Variants in CMTM6 observed in about 807,000 individuals in gnomAD.
The protein encoded by CMTM6 is CKLF like MARVEL transmembrane domain containing 6.
In CMTM6, 5 loss-of-function variants were observed where a neutral mutation model predicts 13.6. The observed-to-expected ratio is 0.37, with a 90% CI of 0.19 to 0.77. CMTM6 has a LOEUF of 0.77. Ranked by LOEUF, CMTM6 falls within the 30% of genes least tolerant of loss-of-function variation. The pLI, the probability that CMTM6 is intolerant of heterozygous loss-of-function variation, is 0.50. For synonymous variants in CMTM6, 99 were observed against 84.5 expected (o/e 1.17, Z -0.94); for missense variants, 196 against 218.6 (o/e 0.90, Z 0.65).
At chr3:32,489,212 G>C (rs111893960) in intron 2 of CMTM6, among the ~76,000 whole-genome samples, 37 of 146,408 alleles carry the variant, frequency 2.5e-4, no homozygotes, top group African/African-American at 9.2e-4. Flanking sequence ...AGAGGTTGCA[G>C]TGAGCCAAGG....
At chr3:32,491,462 A>G (rs1697249075) in intron 2 of CMTM6, among the ~76,000 whole-genome samples, 1 of 152,174 alleles carries the variant, frequency 6.6e-6, no homozygotes, top group African/African-American at 2.4e-5. Flanking sequence ...GTCTAATGTG[A>G]ATTACATTAA....
In CMTM6 at chr3:32,502,763, C is replaced by A; in HGVS notation, c.-18G>T. The A allele has an allele frequency of 7.1e-7, 1 of 1,409,786 alleles. No homozygotes were observed. Among genetic ancestry groups the A allele is most frequent in the Non-Finnish European group, 9.2e-7 (1 of 1,081,620 alleles). 87.3% of individuals were successfully genotyped at this position (1,409,786 alleles called of 1,614,324 possible). On this transcript the variant is annotated 5_prime_UTR_variant, in exon 1 of 4. Transcript: ENST00000205636. ...TTCTCCATCGCCTCGGGCCGGGGAG[C>A]GCGGCGGCCGCAGCAACCGCGCCGT...
At chr3:32,497,105 C>T (rs1300192261) in intron 1 of CMTM6, among the ~76,000 whole-genome samples, 7 of 152,238 alleles carry the variant, frequency 4.6e-5, no homozygotes, top group African/African-American at 1.7e-4. Context: ...ACTCCTACAC[C>T]GGGCGCGGTG....
chr3:32,485,771 AATAG>A (rs750075738), intron 3 of CMTM6, among the ~76,000 whole-genome samples: 3 of 152,248 alleles, frequency 2.0e-5, no homozygotes, highest in African/African-American at 7.2e-5. Context: ...TTGTCATATG[AATAG>A]ATAAATATAG....
rs530565819 is a variant in CMTM6, at chr3:32,493,651, A to C, written c.139-1765T>G. Among the ~76,000 whole-genome samples the C allele has an allele frequency of 9.2e-5, 14 of 152,314 alleles. No homozygotes were observed. In the South Asian group the frequency reaches 2.9e-3, roughly 32 times the overall value. On this transcript the variant is annotated intron_variant, in intron 1 of 3. Coordinates refer to ENST00000205636, the MANE Select transcript of CMTM6 (RefSeq NM_017801.3). Reference sequence around the variant, plus strand: ...ATAGCCTTATGTGGAAATCTGAGGAATCTGAAGATTTACGGGATATGCAGA... The same window carrying C: ...ATAGCCTTATGTGGAAATCTGAGGACTCTGAAGATTTACGGGATATGCAGA...
At chr3:32,489,134 G>C (rs1000800088) in intron 2 of CMTM6, among the ~76,000 whole-genome samples, 1 of 151,798 alleles carries the variant, frequency 6.6e-6, no homozygotes, top group Non-Finnish European at 1.5e-5. Context: ...GCTGGGCGTG[G>C]TGGTGGGTGC....
chr3:32,502,567 G>T (rs1471364483), intron 1 of CMTM6, 41 bp downstream of exon 1: 1 of 1,563,774 alleles, frequency 6.4e-7, no homozygotes, highest in Non-Finnish European at 8.6e-7. Flanking sequence ...GCCAGACCCC[G>T]CTCCCCAGCC....
intron 1 of CMTM6, among the ~76,000 whole-genome samples, chr3:32,496,705 C>T (rs2125658973): frequency 6.6e-6 from 1 of 152,198 alleles, no homozygotes; most frequent in South Asian, 2.1e-4. Context: ...AGTGGAAAAG[C>T]AGGACTCAAA....
chr3:32,498,035 TA>T (rs1383549736), intron 1 of CMTM6, among the ~76,000 whole-genome samples: 2 of 152,094 alleles, frequency 1.3e-5, no homozygotes, highest in Non-Finnish European at 2.9e-5. Context: ...TATTTTTTGG[TA>T]AACAGTTTTG....
At chr3:32,493,149 A>G (rs1229455265) in intron 1 of CMTM6, among the ~76,000 whole-genome samples, 1 of 152,244 alleles carries the variant, frequency 6.6e-6, no homozygotes, top group African/African-American at 2.4e-5. Flanking sequence ...GTATGGCCAT[A>G]AAAGTATAGT....
chr3:32,500,747 A>T (rs1385265962), intron 1 of CMTM6, among the ~76,000 whole-genome samples: 1 of 152,244 alleles, frequency 6.6e-6, no homozygotes, highest in Non-Finnish European at 1.5e-5. Context: ...TTCCAAAGAT[A>T]CGAAACTACA....
At position 32,487,979 on chromosome 3, in the gene CMTM6, C is replaced by A. The variant is rs1337910471; in HGVS notation, c.373G>T (p.Val125Phe). The A allele has an allele frequency of 3.1e-6, 5 of 1,613,700 alleles. No homozygotes were observed. Among genetic ancestry groups the A allele is most frequent in the Non-Finnish European group, 4.2e-6 (5 of 1,179,862 alleles). The change falls in exon 3 of 4, where the codon GTT (valine) becomes TTT (phenylalanine). Residue 125 changes from valine (V) to phenylalanine (F), a missense_variant. Physicochemically the swap from Val to Phe is conservative, Grantham distance 50. Coordinates refer to ENST00000205636, the MANE Select transcript of CMTM6 (RefSeq NM_017801.3). ...CVFLLASIIFVSTHDRTSAEI... is the reference protein window; with the variant it reads ...CVFLLASIIFFSTHDRTSAEI... ...GCTGAAGTCCTGTCATGTGTGGAAACAAAAATGATGGATGCCAACAAAAAC... is the reference window on the plus strand; with the variant it reads ...GCTGAAGTCCTGTCATGTGTGGAAAAAAAAATGATGGATGCCAACAAAAAC...
Position 32,487,918 on chromosome 3 carries a change from T to TA in CMTM6, c.414+19dup, listed in dbSNP as rs1559423959. The TA allele has an allele frequency of 6.4e-7, 1 of 1,564,266 alleles. No homozygotes were observed. Among genetic ancestry groups the TA allele is most frequent in the South Asian group, 1.1e-5 (1 of 89,144 alleles). On this transcript the variant is annotated intron_variant, in intron 3 of 3. Coordinates refer to ENST00000205636, the MANE Select transcript of CMTM6 (RefSeq NM_017801.3). The stretch of plus-strand genomic sequence containing the variant: ...CTAAGGAAACAAAAATAAGCAATGT[T>TA]AAAAATACAAGGTACTTACAATTGC...
In CMTM6 at chr3:32,481,569, GTTAAT is replaced by G. The variant is rs746642635; in HGVS notation, c.*2386_*2390del. 7 of 151,272 alleles carry G rather than the reference GTTAAT, an allele frequency of 4.6e-5. No homozygotes were observed. Among genetic ancestry groups the G allele is most frequent in the South Asian group, 2.1e-4 (1 of 4,796 alleles). 9.4% of individuals were successfully genotyped at this position (151,272 alleles called of 1,614,324 possible). A position where few individuals can be genotyped will look rare whatever the true frequency, so the allele number is the denominator to read the frequency against. ...ATAAAATATAAAATTTATCATAACT[GTTAAT>G]TTAAAAATTATTTTAAATTTGAGTT... is the stretch of plus-strand genomic sequence containing the variant. On this transcript the variant is annotated 3_prime_UTR_variant, in exon 4 of 4. Coordinates refer to ENST00000205636, the MANE Select transcript of CMTM6 (RefSeq NM_017801.3).
intron 1 of CMTM6, among the ~76,000 whole-genome samples, chr3:32,498,556 T>C (rs1206480287): frequency 1.3e-5 from 2 of 152,002 alleles, no homozygotes; most frequent in Non-Finnish European, 1.5e-5. Flanking sequence ...GGATAATTAC[T>C]ATCCTGCCTC....
rs1157946550 is a variant in CMTM6, at chr3:32,497,359, T to A, written c.138+5249A>T. On this transcript the variant is annotated intron_variant, in intron 1 of 3. Transcript: ENST00000205636. ...GAGATCGCACCACTGCACTCCAGCC[T>A]GGGCAACAGCGAGACTCTGTCTCAA... 3.0e-5 allele frequency among the ~76,000 whole-genome samples: 4 copies of A among 132,608 alleles called. No individual in the cohort carries two copies. The South Asian group carries it at 7.0e-4, about 23-fold the overall frequency. The allele number at this position is 132,608 out of a possible 152,430, so 87.0% of individuals were successfully genotyped here.
At position 32,481,398 on chromosome 3, in the gene CMTM6, T is replaced by TTGAC. The variant is rs1188728953; in HGVS notation, c.*2558_*2561dup. On this transcript the variant is annotated 3_prime_UTR_variant, in exon 4 of 4. Transcript: ENST00000205636. ...AAAAAAAAGACCCATAAGATTTAAA[T>TTGAC]TGACAAATATAAAATGATTGGCTAC... 6.6e-6 allele frequency: 1 copy of TTGAC among 151,250 alleles called. No homozygotes were observed. The highest frequency in any genetic ancestry group is 1.5e-5 in the Non-Finnish European group (1 of 67,820). The allele number at this position is 151,250 out of a possible 1,614,324, so 9.4% of individuals were successfully genotyped here. A position where few individuals can be genotyped will look rare whatever the true frequency, so the allele number is the denominator to read the frequency against.
chr3:32,501,602 G>T (rs1469815562), intron 1 of CMTM6, among the ~76,000 whole-genome samples: 1 of 152,186 alleles, frequency 6.6e-6, no homozygotes, highest in Non-Finnish European at 1.5e-5. Flanking sequence ...TTCAATAAAA[G>T]TAGGTCACTA....
At chr3:32,489,269 CAAAAAA>C (rs34775532) in intron 2 of CMTM6, among the ~76,000 whole-genome samples, 3 of 94,680 alleles carry the variant, frequency 3.2e-5, no homozygotes, top group African/African-American at 1.3e-4. Context: ...GACTCCATCT[CAAAAAA>C]AAAAAAAAAA....
Sources: allele counts gnomAD v4.1 joint callset (sites outside exome capture counted in the v4.1 genomes callset), GRCh38; gene constraint gnomAD v4.1.1; transcripts MANE v1.5; gene names NCBI Gene and HGNC (gene_info 2026-07-23, HGNC 2026-07-21).